Variants in RBFOX1 observed in about 807,000 individuals in gnomAD.
RBFOX1 encodes RNA binding fox-1 homolog 1, also known as RNA binding protein fox-1 homolog 1.
Under a neutral mutation model 57.7 loss-of-function variants are expected in RBFOX1, and 8 were observed. The observed-to-expected ratio is 0.14, with a 90% CI of 0.08 to 0.25. The LOEUF is 0.25. RBFOX1 is among the 10% of genes least tolerant of loss of function. The probability of loss-of-function intolerance (pLI) is 1.00; values close to 1 mark genes in which losing one functional copy is unlikely to be tolerated. For missense variants in RBFOX1, 611 were observed against 548.5 expected (o/e 1.11, Z -1.14); for synonymous variants, 326 against 222.4 (o/e 1.47, Z -4.15).
chr16:5,479,122 C>T (rs755913777), intron 2 of RBFOX1, among the ~76,000 whole-genome samples: 2 of 152,188 alleles, frequency 1.3e-5, no homozygotes. Context: ...CATAAAAATG[C>T]GGTCACAGTT....
At chr16:7,464,967 G>T (rs1429864035) in intron 4 of RBFOX1, among the ~76,000 whole-genome samples, 1 of 151,672 alleles carries the variant, frequency 6.6e-6, no homozygotes, top group African/African-American at 2.4e-5. Context: ...AAAGTGCTGC[G>T]ATTACAGGGA....
At chr16:6,465,419 C>G (rs564754977) in intron 2 of RBFOX1, among the ~76,000 whole-genome samples, 1 of 152,256 alleles carries the variant, frequency 6.6e-6, no homozygotes, top group East Asian at 1.9e-4. Flanking sequence ...CCTTTAGTGG[C>G]TATCTTGCAT....
At position 7,229,403 on chromosome 16, in the gene RBFOX1, C is replaced by T. The variant is rs568077297; in HGVS notation, c.27+177305C>T. Among the ~76,000 whole-genome samples, 4 of 152,110 alleles carry T rather than the reference C, an allele frequency of 2.6e-5. No individual in the cohort carries two copies. In the East Asian group the frequency reaches 7.7e-4, roughly 29 times the overall value. The stretch of plus-strand genomic sequence containing the variant: ...TGGTCCTTGCCCTATAAAGGATAGA[C>T]AGAAAGGGCCTAGTCACATCTTCCT... On this transcript the variant is annotated intron_variant, in intron 4 of 15. Coordinates refer to ENST00000550418, the MANE Select transcript of RBFOX1 (RefSeq NM_018723.4).
intron 4 of RBFOX1, among the ~76,000 whole-genome samples, chr16:7,176,118 T>A (rs1189643663): frequency 1.3e-5 from 2 of 151,330 alleles, no homozygotes; most frequent in East Asian, 1.9e-4. Flanking sequence ...TTAATCAAAT[T>A]TTTTTTATTG....
chr16:6,323,837 A>T (rs1232026228), intron 2 of RBFOX1, among the ~76,000 whole-genome samples: 1 of 151,518 alleles, frequency 6.6e-6, no homozygotes, highest in Non-Finnish European at 1.5e-5. Flanking sequence ...CAGTGGTGTG[A>T]TATCTGCTCA....
intron 4 of RBFOX1, among the ~76,000 whole-genome samples, chr16:7,179,811 T>C (rs2082344568): frequency 6.6e-6 from 1 of 152,094 alleles, no homozygotes; most frequent in Non-Finnish European, 1.5e-5. Context: ...CTCGGCTCAC[T>C]GCAACCTACT....
At chr16:6,049,841 T>C (rs1459894222) in intron 1 of RBFOX1, among the ~76,000 whole-genome samples, 2 of 152,164 alleles carry the variant, frequency 1.3e-5, no homozygotes, top group Non-Finnish European at 2.9e-5. Context: ...CTTCCTATGA[T>C]TGATTTTATG....
At chr16:6,159,318 C>T (rs2096860671) in intron 1 of RBFOX1, among the ~76,000 whole-genome samples, 1 of 152,126 alleles carries the variant, frequency 6.6e-6, no homozygotes, top group South Asian at 2.1e-4. Flanking sequence ...CTCAGGTGAT[C>T]TGCCCGCCTC....
intron 3 of RBFOX1, among the ~76,000 whole-genome samples, chr16:6,977,947 A>ATAAAATAAAT (rs547654457): frequency 2.4e-4 from 35 of 146,066 alleles, no homozygotes; most frequent in Non-Finnish European, 4.5e-4. Flanking sequence ...GAAAAAAAAA[A>ATAAAATAAAT]AAAAGGCAAA....
At chr16:6,314,077 G>C (rs113095022) in intron 1 of RBFOX1, among the ~76,000 whole-genome samples, 2,390 of 152,252 alleles carry the variant, frequency 0.016, 55 homozygotes, top group African/African-American at 0.052. Flanking sequence ...TTTGGACTCA[G>C]ATGGACATGA....
intron 4 of RBFOX1, among the ~76,000 whole-genome samples, chr16:7,386,058 G>A (rs940093503): frequency 1.3e-5 from 2 of 152,024 alleles, no homozygotes; most frequent in South Asian, 2.1e-4. Flanking sequence ...CAAAGTGCTG[G>A]GATTGCAGGT....
chr16:6,568,051 G>A (rs1487284355), intron 2 of RBFOX1, among the ~76,000 whole-genome samples: 2 of 152,120 alleles, frequency 1.3e-5, no homozygotes, highest in African/African-American at 4.8e-5. Context: ...TGAACTTCTG[G>A]CCTGAAGTGG....
chr16:7,003,416 C>T (rs899184277), intron 3 of RBFOX1, among the ~76,000 whole-genome samples: 29 of 150,710 alleles, frequency 1.9e-4, no homozygotes, highest in African/African-American at 4.9e-4. Context: ...GCAGAGATTG[C>T]GCCACTGTAC....
At chr16:5,246,482 C>G (rs991888701) in intron 1 of RBFOX1, among the ~76,000 whole-genome samples, 12 of 152,052 alleles carry the variant, frequency 7.9e-5, no homozygotes, top group Admixed American at 4.6e-4. Context: ...AAAATCTACT[C>G]TCTTAGTGAT....
intron 2 of RBFOX1, among the ~76,000 whole-genome samples, chr16:5,587,699 C>T (rs192933645): frequency 1.3e-5 from 2 of 151,944 alleles, no homozygotes; most frequent in Non-Finnish European, 2.9e-5. Flanking sequence ...GGCGACAGAG[C>T]GAGACTCTGT....
At chr16:6,887,277 A>G (rs1006663329) in intron 3 of RBFOX1, among the ~76,000 whole-genome samples, 3 of 152,188 alleles carry the variant, frequency 2.0e-5, no homozygotes, top group African/African-American at 4.8e-5. Flanking sequence ...ATCTGCGAAG[A>G]TGTTTCAAAG....
chr16:6,383,397 C>G (rs989197228), intron 2 of RBFOX1, among the ~76,000 whole-genome samples: 3 of 152,186 alleles, frequency 2.0e-5, no homozygotes, highest in Non-Finnish European at 4.4e-5. Flanking sequence ...GGAGTCTGTG[C>G]AGTCAGACAG....
chr16:7,372,147 T>A (rs1568471668), intron 4 of RBFOX1, among the ~76,000 whole-genome samples: 1 of 152,178 alleles, frequency 6.6e-6, no homozygotes, highest in Non-Finnish European at 1.5e-5. Flanking sequence ...AAGATGTGAT[T>A]CAAAACTTAC....
chr16:5,436,221 C>T (rs374121642), intron 1 of RBFOX1, among the ~76,000 whole-genome samples: 57 of 152,280 alleles, frequency 3.7e-4, no homozygotes, highest in East Asian at 2.5e-3. Context: ...CAAAAGGGGG[C>T]TCGTGACTCA....
Sources: allele counts gnomAD v4.1 joint callset (sites outside exome capture counted in the v4.1 genomes callset), GRCh38; gene constraint gnomAD v4.1.1; transcripts MANE v1.5; gene names NCBI Gene and HGNC (gene_info 2026-07-23, HGNC 2026-07-21).